THOP1: variants seen among roughly 807,000 people sequenced by gnomAD.
THOP1 encodes thimet oligopeptidase 1.
THOP1 carries 49 observed loss-of-function variants against 71.8 expected under a neutral mutation model. That is an observed-to-expected ratio of 0.68 (90% CI 0.54 to 0.87). The LOEUF is 0.87. Among genes scored for constraint, THOP1 ranks in the 40% least tolerant of loss-of-function variants. The pLI is 0.00. For missense variants in THOP1, 843 were observed against 975.6 expected, an observed-to-expected ratio of 0.86 and a Z score of 1.81; for synonymous variants, 426 against 421.5, an observed-to-expected ratio of 1.01 and a Z score of -0.13.
At chr19:2,812,906 G>A (rs983938818) in intron 12 of THOP1, among the ~76,000 whole-genome samples, 1 of 152,170 alleles carries the variant, frequency 6.6e-6, no homozygotes, top group South Asian at 2.1e-4. Flanking sequence ...GGCTCTGCTG[G>A]CCCCTCAGTG....
intron 1 of THOP1, 129 bp downstream of exon 1, chr19:2,785,807 G>C (rs1228320110): frequency 4.7e-6 from 4 of 859,714 alleles, no homozygotes; most frequent in Non-Finnish European, 6.3e-6. Context: ...GAGGGGCAGC[G>C]GGGGAGGTGG....
At chr19:2,792,159 A>T (rs1392158685) in intron 2 of THOP1, among the ~76,000 whole-genome samples, 1 of 152,120 alleles carries the variant, frequency 6.6e-6, no homozygotes, top group Non-Finnish European at 1.5e-5. Context: ...TCCCGAGAGG[A>T]CAGAGCTGAT....
rs777913208 is a variant in THOP1 at position 2,796,082 on chromosome 19, A to T, written c.380A>T (p.Glu127Val). The change falls in exon 4 of 13, where the codon GAG becomes GTG. Residue 127 changes from glutamate (E) to valine (V), a missense_variant and splice_region_variant. Transcript: ENST00000307741. ...DVYQRIVWLQ[E>V]KVQKDSLRPE... ...CATGCTTTGATGTTTTTATTCCAGG[A>T]GAAAGTTCAGAAGGACTCACTGAGG... 4 of 1,613,110 alleles carry T rather than the reference A, an allele frequency of 2.5e-6. No homozygotes were observed. The South Asian group carries it at 4.4e-5, about 18-fold the overall frequency.
At position 2,790,575 on chromosome 19, in the gene THOP1, G is replaced by A; in HGVS notation, c.171G>A (p.Glu57=). Residue 57 remains glutamate (E), a synonymous_variant, in exon 2 of 13, where the codon GAG becomes GAA. Transcript: ENST00000307741. Reference sequence around the variant, plus strand: ...ACCAGGTTGGCACCCAGGAGTTTGAGGACGTGTCCTACGAGAGCACGCTCA... The same window carrying A: ...ACCAGGTTGGCACCCAGGAGTTTGAAGACGTGTCCTACGAGAGCACGCTCA... ...VYDQVGTQEF[E]DVSYESTLKA... 1 of 1,606,024 alleles carries A rather than the reference G, an allele frequency of 6.2e-7. No individual in the cohort carries two copies. The highest frequency in any genetic ancestry group is 8.5e-7 in the Non-Finnish European group (1 of 1,176,316).
At chr19:2,796,413 G>A (rs1916015344) in intron 4 of THOP1, among the ~76,000 whole-genome samples, 1 of 150,128 alleles carries the variant, frequency 6.7e-6, no homozygotes, top group South Asian at 2.1e-4. Context: ...GGAGTGCTTG[G>A]GCACAGGGAG....
In THOP1 at chr19:2,805,166, G is replaced by A. The variant is rs199648840; in HGVS notation, c.740G>A (p.Arg247Gln). Reference sequence around the variant, plus strand: ...AAAGTGGAGGAGGCCTTCAACTGCCGGTGCAAGGAGGTGAGAAGGCACGGC... The same window carrying A: ...AAAGTGGAGGAGGCCTTCAACTGCCAGTGCAAGGAGGTGAGAAGGCACGGC... ...RRKVEEAFNC[R>Q]CKEENCAILK... The change falls in exon 6 of 13, where the codon CGG (arginine) becomes CAG (glutamine). Residue 247 changes from arginine (R) to glutamine (Q), a missense_variant. Physicochemically the swap from Arg to Gln is conservative, Grantham distance 43. Coordinates refer to ENST00000307741, the MANE Select transcript of THOP1 (RefSeq NM_003249.5). This position sits in a 1 kb window ranked among gnomAD's most constrained non-coding sequence, Gnocchi z 6.6. 19 of 1,611,356 alleles carry A rather than the reference G, an allele frequency of 1.2e-5. No individual in the cohort carries two copies. The highest frequency in any genetic ancestry group is 3.3e-5 in the South Asian group (3 of 90,838).
intron 3 of THOP1, among the ~76,000 whole-genome samples, chr19:2,795,368 C>G (rs1468057438): frequency 6.6e-6 from 1 of 152,258 alleles, no homozygotes; most frequent in East Asian, 1.9e-4. Context: ...GCGTGGGCTC[C>G]TGCTCCCCCG....
intron 4 of THOP1, among the ~76,000 whole-genome samples, chr19:2,797,322 C>G (rs929534663): frequency 1.3e-5 from 2 of 152,158 alleles, no homozygotes; most frequent in African/African-American, 4.8e-5. Context: ...TTGGCTGTCT[C>G]TGGGAGGGGC....
At chr19:2,806,583 G>A (rs556992659) in intron 6 of THOP1, 1 of 355,794 alleles carries the variant, frequency 2.8e-6, no homozygotes, top group Admixed American at 5.0e-5. Context: ...GGCAGAGCCC[G>A]TGAGACTGGG....
Position 2,805,223 on chromosome 19 carries a change from T to G in THOP1, c.750+47T>G, listed in dbSNP as rs766763434. The G allele has an allele frequency of 6.3e-7, 1 of 1,575,788 alleles. No homozygotes were observed. The highest frequency in any genetic ancestry group is 1.2e-5 in the South Asian group (1 of 85,374). On this transcript the variant is annotated intron_variant, in intron 6 of 12. Transcript: ENST00000307741. This position sits in a 1 kb window ranked among gnomAD's most constrained non-coding sequence, Gnocchi z 6.6. ...GCCCCAGAACAGTGGGTCTGGAGCT[T>G]GTGGGGCCCGTCTGCTCCATGTGTG...
At chr19:2,798,614 TG>T (rs1410584377) in intron 4 of THOP1, among the ~76,000 whole-genome samples, 1 of 152,226 alleles carries the variant, frequency 6.6e-6, no homozygotes, top group Non-Finnish European at 1.5e-5. Context: ...GGGGAGACAT[TG>T]GGAATTGCCC....
intron 12 of THOP1, chr19:2,812,390 A>C: frequency 6.7e-7 from 1 of 1,500,264 alleles, no homozygotes; most frequent in African/African-American, 1.4e-5. Flanking sequence ...GGAGCCACCA[A>C]GCAGGCACTC....
chr19:2,790,700 T>C, intron 2 of THOP1, 67 bp downstream of exon 2: 7 of 1,409,262 alleles, frequency 5.0e-6, no homozygotes, highest in Non-Finnish European at 6.6e-6. Flanking sequence ...CAGGCGGGAG[T>C]AGCCCAGCCC....
At chr19:2,785,774 C>G (rs1915726691) in intron 1 of THOP1, 96 bp downstream of exon 1, 42 of 1,202,586 alleles carry the variant, frequency 3.5e-5, no homozygotes, top group Non-Finnish European at 4.5e-5. Context: ...GAAGCGACCC[C>G]CGAGCCACCC....
In THOP1 at chr19:2,815,145, G is replaced by A. The variant is rs984324958; in HGVS notation, c.*1869G>A. On this transcript the variant is annotated 3_prime_UTR_variant, in exon 13 of 13. Transcript: ENST00000307741. ...CACTGGGCAGAGGTGGAGATGGCAA[G>A]TCTGGGGGCTCCCTCATCTTCCCCT... 2.0e-5 allele frequency: 3 copies of A among 152,226 alleles called. No individual in the cohort carries two copies. Among genetic ancestry groups the A allele is most frequent in the African/African-American group, 7.2e-5 (3 of 41,440 alleles). The allele number at this position is 152,226 out of a possible 1,614,324, so 9.4% of individuals were successfully genotyped here. A position where few individuals can be genotyped will look rare whatever the true frequency, so the allele number is the denominator to read the frequency against.
chr19:2,792,153 G>A (rs971257779), intron 2 of THOP1, among the ~76,000 whole-genome samples: 1 of 152,196 alleles, frequency 6.6e-6, no homozygotes, highest in Non-Finnish European at 1.5e-5. Context: ...CGTAAATCCC[G>A]AGAGGACAGA....
chr19:2,789,606 C>T (rs1364540858), intron 1 of THOP1, among the ~76,000 whole-genome samples: 4 of 152,114 alleles, frequency 2.6e-5, no homozygotes, highest in Admixed American at 2.6e-4. Context: ...GGACTCCTCC[C>T]GAAAACCCCC....
chr19:2,813,311 C>A lies in THOP1; in HGVS notation c.*35C>A. 6.4e-7 allele frequency: 1 copy of A among 1,566,208 alleles called. No homozygotes were observed. The highest frequency in any genetic ancestry group is 8.6e-7 in the Non-Finnish European group (1 of 1,156,814). ...CTGCGACTGCCCAGTCTGGCCTGCG[C>A]TCCCGCCGCCCTGGTGCCTTAGCCC... is the stretch of plus-strand genomic sequence containing the variant. On this transcript the variant is annotated 3_prime_UTR_variant, in exon 13 of 13. Transcript: ENST00000307741.
At chr19:2,803,542 C>A (rs1357903702) in intron 5 of THOP1, among the ~76,000 whole-genome samples, 1 of 152,230 alleles carries the variant, frequency 6.6e-6, no homozygotes, top group Non-Finnish European at 1.5e-5. Context: ...GCTGCTGGGC[C>A]CCCCAGCTGT....
Sources: gnomAD v4.1 joint callset for allele counts (sites outside exome capture counted in the v4.1 genomes callset) on GRCh38, gnomAD v4.1.1 for gene constraint, Gnocchi (gnomAD v3.1) non-coding constraint, MANE v1.5 for transcripts, NCBI Gene and HGNC (gene_info 2026-07-23, HGNC 2026-07-21) for gene names.